Variants in OPCML observed in about 807,000 individuals in gnomAD.
OPCML encodes opioid-binding protein/cell adhesion molecule.
A neutral mutation model predicts 37.8 loss-of-function variants in OPCML; 13 were observed. That is an observed-to-expected ratio of 0.34 (90% confidence interval 0.22 to 0.55). The LOEUF is 0.55. OPCML is among the 20% of genes least tolerant of loss of function. OPCML has a pLI of 0.91. For missense variants in OPCML, 341 were observed against 435.6 expected (o/e 0.78, Z 1.93); for synonymous variants, 176 against 168.8 (o/e 1.04, Z -0.33).
intron 2 of OPCML, among the ~76,000 whole-genome samples, chr11:132,689,181 A>G (rs1943302863): frequency 6.6e-6 from 1 of 152,206 alleles, no homozygotes; most frequent in Admixed American, 6.5e-5. Flanking sequence ...CAGAATATAC[A>G]AAGAAAACAT....
chr11:132,706,907 G>A (rs932778457), intron 2 of OPCML, among the ~76,000 whole-genome samples: 9 of 152,238 alleles, frequency 5.9e-5, no homozygotes, highest in African/African-American at 1.2e-4. Flanking sequence ...TCAAGGCTTC[G>A]TACATCTAAG....
intron 1 of OPCML, among the ~76,000 whole-genome samples, chr11:133,254,514 C>T (rs1381935408): frequency 6.6e-6 from 1 of 152,174 alleles, no homozygotes; most frequent in Non-Finnish European, 1.5e-5. Context: ...TCTGGAAAGA[C>T]AGCTTTGGCA....
intron 2 of OPCML, among the ~76,000 whole-genome samples, chr11:132,899,304 T>C (rs1279794210): frequency 6.6e-6 from 1 of 152,234 alleles, no homozygotes; most frequent in Admixed American, 6.5e-5. Flanking sequence ...ACATATTATA[T>C]ACATGTTATA....
chr11:132,644,003 A>C (rs1941011228), intron 3 of OPCML, among the ~76,000 whole-genome samples: 1 of 152,194 alleles, frequency 6.6e-6, no homozygotes, highest in African/African-American at 2.4e-5. Context: ...ATCATTGCGG[A>C]GTTTTTAGAA....
intron 1 of OPCML, among the ~76,000 whole-genome samples, chr11:133,107,748 A>G (rs917288120): frequency 6.6e-6 from 1 of 152,226 alleles, no homozygotes; most frequent in African/African-American, 2.4e-5. Flanking sequence ...TCATGAAAAG[A>G]TACTATTACA....
intron 1 of OPCML, among the ~76,000 whole-genome samples, chr11:133,270,344 A>G (rs146188925): frequency 1.3e-5 from 2 of 152,252 alleles, no homozygotes; most frequent in East Asian, 3.9e-4. Flanking sequence ...GGGAGCTTTA[A>G]AATATCACAC....
At chr11:133,261,485 C>A (rs549786114) in intron 1 of OPCML, among the ~76,000 whole-genome samples, 1 of 151,874 alleles carries the variant, frequency 6.6e-6, no homozygotes, top group Non-Finnish European at 1.5e-5. Context: ...ACATGGTCTG[C>A]GTCCGGCTCT....
intron 3 of OPCML, among the ~76,000 whole-genome samples, chr11:132,550,160 CA>C (rs2096378168): frequency 6.6e-6 from 1 of 152,160 alleles, no homozygotes; most frequent in Non-Finnish European, 1.5e-5. Flanking sequence ...CTTATACACA[CA>C]AATGGCTCCT....
chr11:133,366,603 G>A (rs1944545547), intron 1 of OPCML, among the ~76,000 whole-genome samples: 1 of 152,190 alleles, frequency 6.6e-6, no homozygotes, highest in African/African-American at 2.4e-5. Flanking sequence ...GAAGGCGGAA[G>A]CCAAAGGGGT....
chr11:132,972,326 T>C (rs2136758624), intron 1 of OPCML, among the ~76,000 whole-genome samples: 1 of 152,274 alleles, frequency 6.6e-6, no homozygotes, highest in South Asian at 2.1e-4. Context: ...ACTAAACACC[T>C]CTCTGCTAAA....
chr11:132,498,349 G>A (rs1475527809), intron 4 of OPCML, among the ~76,000 whole-genome samples: 1 of 152,186 alleles, frequency 6.6e-6, no homozygotes, highest in Non-Finnish European at 1.5e-5. Flanking sequence ...CACAGCCCTA[G>A]TATATTTCCA....
At chr11:132,512,241 CTA>C (rs2096270378) in intron 4 of OPCML, among the ~76,000 whole-genome samples, 1 of 152,022 alleles carries the variant, frequency 6.6e-6, no homozygotes, top group Non-Finnish European at 1.5e-5. Context: ...TGTGGAACAG[CTA>C]TAGTGCTTAT....
intron 1 of OPCML, among the ~76,000 whole-genome samples, chr11:133,401,648 G>A (rs562571240): frequency 2.0e-4 from 30 of 152,150 alleles, no homozygotes; most frequent in African/African-American, 7.2e-4. Flanking sequence ...TAATATGACA[G>A]AGGTTTGGGA....
rs192348191 is a variant in OPCML at position 132,550,302 on chromosome 11, G to A, written c.380-21116C>T. ...GTGTTGGAGGTGGGGCCTGGTGGGC[G>A]GTGACTGGATCATGGGGGTGGATTT... On this transcript the variant is annotated intron_variant, in intron 3 of 7. Transcript: ENST00000524381. Among the ~76,000 whole-genome samples, 43 of 152,258 alleles carry A rather than the reference G, an allele frequency of 2.8e-4. No homozygotes were observed. The East Asian group carries it at 5.0e-3, about 18-fold the overall frequency.
chr11:132,572,613 C>T (rs1175239485), intron 3 of OPCML, among the ~76,000 whole-genome samples: 2 of 152,084 alleles, frequency 1.3e-5, no homozygotes, highest in Non-Finnish European at 2.9e-5. Context: ...GGCTGTATGG[C>T]TTTTTAAATG....
At chr11:132,727,908 C>A (rs1944942522) in intron 2 of OPCML, among the ~76,000 whole-genome samples, 1 of 152,208 alleles carries the variant, frequency 6.6e-6, no homozygotes, top group Non-Finnish European at 1.5e-5. Context: ...GCCCTTGGTG[C>A]ACGCAGCTCT....
rs894300939 is a variant in OPCML, at chr11:132,441,358, C to T, written c.506-3999G>A. On this transcript the variant is annotated intron_variant, in intron 4 of 7. Coordinates refer to ENST00000524381, the MANE Select transcript of OPCML (RefSeq NM_001012393.5). ...AATTTTTTTGTATTTTTAGTAGAGA[C>T]GGGGTTTCACCGTTTTAGCCGGGAT... Among the ~76,000 whole-genome samples the T allele has an allele frequency of 1.7e-4, 26 of 150,948 alleles. 1 individual carries two copies. The South Asian group carries it at 3.4e-3, about 20-fold the overall frequency.
At chr11:132,493,220 T>C (rs2096221498) in intron 4 of OPCML, among the ~76,000 whole-genome samples, 1 of 152,194 alleles carries the variant, frequency 6.6e-6, no homozygotes, top group Non-Finnish European at 1.5e-5. Flanking sequence ...ACGGTAGTGG[T>C]GGAAGATGCC....
chr11:132,445,701 C>A (rs991700624), intron 4 of OPCML, among the ~76,000 whole-genome samples: 1 of 152,120 alleles, frequency 6.6e-6, no homozygotes, highest in African/African-American at 2.4e-5. Context: ...TCCCAGGGGA[C>A]TCTAATGTAC....
Sources: gnomAD v4.1 joint callset for allele counts (sites outside exome capture counted in the v4.1 genomes callset) on GRCh38, gnomAD v4.1.1 for gene constraint, MANE v1.5 for transcripts, NCBI Gene and HGNC (gene_info 2026-07-23, HGNC 2026-07-21) for gene names.